HS3ST3A1: variants seen among roughly 807,000 people sequenced by gnomAD.
HS3ST3A1 encodes heparan sulfate glucosamine 3-O-sulfotransferase 3A1.
In HS3ST3A1, 19 loss-of-function variants were observed where a neutral mutation model predicts 25.7. That is an observed-to-expected ratio of 0.74 (90% confidence interval 0.52 to 1.08). HS3ST3A1 has a LOEUF of 1.08. HS3ST3A1 is among the 50% of genes least tolerant of loss of function. The pLI is 0.00. For synonymous variants in HS3ST3A1, 226 were observed against 278.6 expected (o/e 0.81, Z 1.88); for missense variants, 459 against 594.3 (o/e 0.77, Z 2.37).
chr17:13,597,000 C>A (rs146866014), intron 1 of HS3ST3A1, among the ~76,000 whole-genome samples: 1 of 152,062 alleles, frequency 6.6e-6, no homozygotes, highest in Non-Finnish European at 1.5e-5. Flanking sequence ...AAACTGTGAG[C>A]TGGACAATCT....
In HS3ST3A1 at chr17:13,600,815, G is replaced by T. The variant is rs751663985; in HGVS notation, c.315C>A (p.Arg105=). The T allele has an allele frequency of 1.4e-5, 20 of 1,413,110 alleles. No individual in the cohort carries two copies. Among genetic ancestry groups the T allele is most frequent in the Non-Finnish European group, 1.7e-5 (19 of 1,096,530 alleles). The allele number at this position is 1,413,110 out of a possible 1,614,324, so 87.5% of individuals were successfully genotyped here. ...QWRRRRPPAP[R]DDGEEAAWEE... is the part of the protein sequence containing the mutation. ...CCCAGGCCGCCTCCTCGCCGTCGTC[G>T]CGGGGCGCGGGCGGCCGGCGCCTCC... Residue 105 remains arginine (R), a synonymous_variant, in exon 1 of 2, where the codon CGC becomes CGA. Transcript: ENST00000284110.
chr17:13,502,369 C>T (rs1217558922), intron 1 of HS3ST3A1, among the ~76,000 whole-genome samples: 1 of 152,154 alleles, frequency 6.6e-6, no homozygotes, highest in African/African-American at 2.4e-5. Flanking sequence ...AAGAGGCAAG[C>T]CAAGCACTCT....
rs1555537362 is a variant in HS3ST3A1, at chr17:13,512,318, A to AAC, written c.600-15501_600-15500insGT. Among the ~76,000 whole-genome samples, 4 of 151,122 alleles carry AAC rather than the reference A, an allele frequency of 2.6e-5. 1 individual carries two copies. The East Asian group carries it at 5.8e-4, about 22-fold the overall frequency. ...GAGACTCCGTCTCAAAAAAAAAAAA[A>AAC]AAAAAAAAACTGCATGATCCCATTT... is the stretch of plus-strand genomic sequence containing the variant. On this transcript the variant is annotated intron_variant, in intron 1 of 1. Coordinates refer to ENST00000284110, the MANE Select transcript of HS3ST3A1 (RefSeq NM_006042.3).
intron 1 of HS3ST3A1, among the ~76,000 whole-genome samples, chr17:13,586,839 C>T (rs1908282606): frequency 8.7e-6 from 1 of 115,394 alleles, no homozygotes; most frequent in Non-Finnish European, 1.7e-5. Flanking sequence ...CACTGCACTC[C>T]AGCCTGGGCG....
At chr17:13,515,116 T>C (rs1054677027) in intron 1 of HS3ST3A1, among the ~76,000 whole-genome samples, 2 of 152,148 alleles carry the variant, frequency 1.3e-5, no homozygotes, top group Non-Finnish European at 2.9e-5. Context: ...ATAAAAAATG[T>C]TCTAGAATAG....
intron 1 of HS3ST3A1, among the ~76,000 whole-genome samples, chr17:13,506,316 T>C (rs1168849962): frequency 1.3e-5 from 2 of 152,182 alleles, no homozygotes; most frequent in East Asian, 1.9e-4. Flanking sequence ...CTCGATTTCT[T>C]CATAAACAAA....
chr17:13,575,942 C>G (rs1434626943), intron 1 of HS3ST3A1, among the ~76,000 whole-genome samples: 1 of 152,216 alleles, frequency 6.6e-6, no homozygotes, highest in Non-Finnish European at 1.5e-5. Context: ...AAAGGATGAT[C>G]TCCACACTAG....
chr17:13,556,861 A>G (rs1393503530), intron 1 of HS3ST3A1, among the ~76,000 whole-genome samples: 1 of 151,974 alleles, frequency 6.6e-6, no homozygotes, highest in East Asian at 1.9e-4. Context: ...AAAAAAAAAA[A>G]AAAAAGCAAG....
intron 1 of HS3ST3A1, among the ~76,000 whole-genome samples, chr17:13,599,628 G>A (rs963582536): frequency 6.6e-6 from 1 of 152,100 alleles, no homozygotes; most frequent in South Asian, 2.1e-4. Context: ...CAAAATCCAG[G>A]CGACACTAGC....
At position 13,501,979 on chromosome 17, in the gene HS3ST3A1, C is replaced by T. The variant is rs112612803; in HGVS notation, c.600-5161G>A. Among the ~76,000 whole-genome samples, 768 of 152,136 alleles carry T rather than the reference C, an allele frequency of 5.0e-3. 8 individuals are homozygous for T. The highest frequency in any genetic ancestry group is 0.018 in the African/African-American group (733 of 41,506). ...TATTATGGTGTGAGAGAGATGGGCT[C>T]GGTTTTTAAGGGGATTTCATTTCCT... On this transcript the variant is annotated intron_variant, in intron 1 of 1. Coordinates refer to ENST00000284110, the MANE Select transcript of HS3ST3A1 (RefSeq NM_006042.3).
chr17:13,507,444 C>T (rs1207667297), intron 1 of HS3ST3A1, among the ~76,000 whole-genome samples: 1 of 152,210 alleles, frequency 6.6e-6, no homozygotes, highest in Non-Finnish European at 1.5e-5. Context: ...CCTTCCCAAA[C>T]AGCCAGGGAA....
intron 1 of HS3ST3A1, among the ~76,000 whole-genome samples, chr17:13,562,618 CA>C (rs1482754112): frequency 2.0e-5 from 3 of 152,034 alleles, no homozygotes; most frequent in African/African-American, 7.3e-5. Context: ...GCCCTTCCCC[CA>C]GGCTCTACAA....
intron 1 of HS3ST3A1, among the ~76,000 whole-genome samples, chr17:13,533,009 C>T (rs1288223417): frequency 6.6e-6 from 1 of 151,840 alleles, no homozygotes; most frequent in Non-Finnish European, 1.5e-5. Context: ...ATAATCTCAT[C>T]CACTCTAGAC....
At chr17:13,500,481 C>T (rs978161200) in intron 1 of HS3ST3A1, among the ~76,000 whole-genome samples, 2 of 152,194 alleles carry the variant, frequency 1.3e-5, no homozygotes, top group South Asian at 2.1e-4. Context: ...TATGGGAGCA[C>T]GAAGGTGTGG....
At chr17:13,517,175 C>T (rs923372363) in intron 1 of HS3ST3A1, among the ~76,000 whole-genome samples, 1 of 152,222 alleles carries the variant, frequency 6.6e-6, no homozygotes, top group Non-Finnish European at 1.5e-5. Context: ...GCCATACTCT[C>T]ATTTCAAACA....
At chr17:13,560,866 G>A (rs1190201478) in intron 1 of HS3ST3A1, among the ~76,000 whole-genome samples, 1 of 152,140 alleles carries the variant, frequency 6.6e-6, no homozygotes, top group African/African-American at 2.4e-5. Context: ...TGACATTCCT[G>A]AAGTTTACAG....
Position 13,601,920 on chromosome 17 carries a change from C to G in HS3ST3A1, c.-791G>C, listed in dbSNP as rs78863672. Reference sequence around the variant, plus strand: ...GGCGCTCACCGGCTGCCTCCTGGGCCGCCGCTGGCCGCCGCCACACGTGGG... The same window carrying G: ...GGCGCTCACCGGCTGCCTCCTGGGCGGCCGCTGGCCGCCGCCACACGTGGG... On this transcript the variant is annotated 5_prime_UTR_variant, in exon 1 of 2. Coordinates refer to ENST00000284110, the MANE Select transcript of HS3ST3A1 (RefSeq NM_006042.3). The G allele has an allele frequency of 3.1e-5, 1 of 31,860 alleles. No individual in the cohort carries two copies. The allele number at this position is 31,860 out of a possible 1,614,324, so 2.0% of individuals were successfully genotyped here.
intron 1 of HS3ST3A1, 84 bp from the exon 2 acceptor site, chr17:13,496,902 G>A (rs1598404967): frequency 1.3e-6 from 2 of 1,528,416 alleles, no homozygotes; most frequent in East Asian, 4.5e-5. Flanking sequence ...CTGGAGCCAG[G>A]CCGCAATTCC....
intron 1 of HS3ST3A1, among the ~76,000 whole-genome samples, chr17:13,544,417 T>G (rs1207457587): frequency 6.6e-6 from 1 of 152,230 alleles, no homozygotes; most frequent in Non-Finnish European, 1.5e-5. Context: ...TGGGACGACC[T>G]TCCTAACTAA....
Sources: allele counts gnomAD v4.1 joint callset (sites outside exome capture counted in the v4.1 genomes callset), GRCh38; gene constraint gnomAD v4.1.1; transcripts MANE v1.5; gene names NCBI Gene and HGNC (gene_info 2026-07-23, HGNC 2026-07-21).